FBXL12: variants seen among roughly 807,000 people sequenced by gnomAD.
FBXL12 encodes the protein F-box and leucine rich repeat protein 12.
A neutral mutation model predicts 24.9 loss-of-function variants in FBXL12; 22 were observed. The observed-to-expected ratio is 0.88, with a 90% CI of 0.63 to 1.26. The LOEUF is 1.26. Among genes scored for constraint, FBXL12 ranks in the 50% most tolerant of loss-of-function variants. FBXL12 has a pLI of 0.00. For synonymous variants in FBXL12, 193 were observed against 193.8 expected (o/e 1.00, Z 0.03); for missense variants, 384 against 434.1 (o/e 0.88, Z 1.03).
intron 2 of FBXL12, among the ~76,000 whole-genome samples, chr19:9,816,313 C>G (rs1295263441): frequency 6.6e-6 from 1 of 152,158 alleles, no homozygotes; most frequent in African/African-American, 2.4e-5. Flanking sequence ...TTTTTCTTTT[C>G]TATCACATAG....
chr19:9,814,113 GAA>G, intron 2 of FBXL12: 2 of 164,642 alleles, frequency 1.2e-5, no homozygotes, highest in Non-Finnish European at 2.6e-5. Context: ...AGACTGGGAA[GAA>G]AAAGAGGTTT....
chr19:9,818,718 G>C lies in FBXL12; in HGVS notation c.86+10C>G. 1 of 1,544,680 alleles carries C rather than the reference G, an allele frequency of 6.5e-7. No individual in the cohort carries two copies. The highest frequency in any genetic ancestry group is 1.2e-5 in the South Asian group (1 of 84,082). On this transcript the variant is annotated intron_variant, in intron 1 of 2. Transcript: ENST00000247977. ...CCGCCCTGCCCTTCCCCCCGGAGGC[G>C]GGGCCGCACCTGGAGATGCGGATCC...
At chr19:9,813,117 A>G (rs2045796661) in intron 2 of FBXL12, 1 of 622,166 alleles carries the variant, frequency 1.6e-6, no homozygotes, top group Admixed American at 4.5e-5. Context: ...AGCTGCAAAA[A>G]TCAACCCTGG....
chr19:9,818,135 T>C (rs1352574092), intron 2 of FBXL12: 4 of 400,282 alleles, frequency 1.0e-5, no homozygotes, highest in African/African-American at 6.2e-5. Flanking sequence ...TCGCTTGAGC[T>C]TGGGAGGTCG....
rs1383301185 is a variant in FBXL12 at position 9,811,413 on chromosome 19, C to T, written c.464G>A (p.Cys155Tyr). ...GGCGGGGACGCGGTCCAGCACGATG[C>T]ATTCAAGCAGGGGCAGCACGGTGGG... ...QDPTVLPLLE[C>Y]IVLDRVPAFR... The change falls in exon 3 of 3, where the codon TGC becomes TAC. Residue 155 changes from cysteine (C) to tyrosine (Y), a missense_variant. By Grantham distance (194) the Cys-to-Tyr change is radical. Coordinates refer to ENST00000247977, the MANE Select transcript of FBXL12 (RefSeq NM_017703.3). The surrounding 1 kb of genome is among the most constrained non-coding windows in gnomAD (Gnocchi z 6.0). The T allele has an allele frequency of 6.2e-7, 1 of 1,613,316 alleles. No homozygotes were observed. The highest frequency in any genetic ancestry group is 8.5e-7 in the Non-Finnish European group (1 of 1,179,994).
At chr19:9,817,399 T>C (rs1216438467) in intron 2 of FBXL12, among the ~76,000 whole-genome samples, 1 of 152,154 alleles carries the variant, frequency 6.6e-6, no homozygotes, top group Non-Finnish European at 1.5e-5. Flanking sequence ...TCAGCAGAAA[T>C]TGACTAGAAA....
In FBXL12 at chr19:9,818,931, C is replaced by T; in HGVS notation, c.-118G>A. ...TCCCGTAGCCGGTCGAGAAATTTGACCTTCCTCTCGCTGGGAAGTGATTCG... is the reference window on the plus strand; with the variant it reads ...TCCCGTAGCCGGTCGAGAAATTTGATCTTCCTCTCGCTGGGAAGTGATTCG... On this transcript the variant is annotated 5_prime_UTR_variant, in exon 1 of 3. Transcript: ENST00000247977. The T allele has an allele frequency of 3.1e-6, 3 of 955,462 alleles. No homozygotes were observed. The highest frequency in any genetic ancestry group is 3.2e-5 in the South Asian group (2 of 61,878). 59.2% of individuals were successfully genotyped at this position (955,462 alleles called of 1,614,324 possible).
rs376394175 is a variant in FBXL12 at position 9,818,737 on chromosome 19, C to T, written c.77G>A (p.Arg26His). The change falls in exon 1 of 3, where the codon CGC (arginine) becomes CAC (histidine). Residue 26 changes from arginine (R) to histidine (H), a missense_variant. Transcript: ENST00000247977. ...GGAGGCGGGGCCGCACCTGGAGATG[C>T]GGATCCGGTCCCGTACCGGGAGGTA... ...FSYLPVRDRI[R>H]ISRVCHRWKR... 6.5e-7 allele frequency: 1 copy of T among 1,546,936 alleles called. No homozygotes were observed. Among genetic ancestry groups the T allele is most frequent in the Non-Finnish European group, 8.8e-7 (1 of 1,142,670 alleles).
rs371835584 is a variant in FBXL12, at chr19:9,811,378, C to T, written c.499G>A (p.Glu167Lys). The T allele has an allele frequency of 1.9e-6, 3 of 1,612,330 alleles. No homozygotes were observed. Among genetic ancestry groups the T allele is most frequent in the Admixed American group, 3.3e-5 (2 of 59,982 alleles). ...AAGCGCGTCAGGCCCTGCAGGTGCT[C>T]GTCACGGAAGGCGGGGACGCGGTCC... ...VLDRVPAFRD[E>K]HLQGLTRFRA... Residue 167 changes from glutamate to lysine, a missense_variant, in exon 3 of 3, where the codon GAG becomes AAG. Transcript: ENST00000247977. This position sits in a 1 kb window ranked among gnomAD's most constrained non-coding sequence, Gnocchi z 6.0.
At chr19:9,813,238 T>C (rs980002533) in intron 2 of FBXL12, 11 of 1,231,068 alleles carry the variant, frequency 8.9e-6, no homozygotes, top group Non-Finnish European at 1.0e-5. Flanking sequence ...TACATCTGCC[T>C]TTTATTGCTG....
intron 2 of FBXL12, among the ~76,000 whole-genome samples, chr19:9,812,077 G>A (rs140605400): frequency 6.6e-6 from 1 of 152,068 alleles, no homozygotes; most frequent in East Asian, 1.9e-4. Flanking sequence ...TGGGACTTCT[G>A]ACACATGCCC....
Position 9,810,667 on chromosome 19 carries a change from T to G in FBXL12, c.*229A>C. On this transcript the variant is annotated 3_prime_UTR_variant, in exon 3 of 3. Transcript: ENST00000247977. ...AACCGTGAGGTAGCTATGATCATCC[T>G]TATTTCCAGATGTGGGAACTAGGCT... 4.5e-6 allele frequency: 2 copies of G among 444,940 alleles called. No homozygotes were observed. 27.6% of individuals were successfully genotyped at this position (444,940 alleles called of 1,614,324 possible). A position where few individuals can be genotyped will look rare whatever the true frequency, so the allele number is the denominator to read the frequency against.
chr19:9,813,236 C>T, intron 2 of FBXL12: 1 of 1,231,190 alleles, frequency 8.1e-7, no homozygotes, highest in Non-Finnish European at 1.0e-6. Context: ...CTTACATCTG[C>T]CTTTTATTGC....
chr19:9,818,919 C>G lies in FBXL12; in HGVS notation c.-106G>C, dbSNP rs2045944518. ...CGGCCGCGACCTTCCCGTAGCCGGT[C>G]GAGAAATTTGACCTTCCTCTCGCTG... On this transcript the variant is annotated 5_prime_UTR_variant, in exon 1 of 3. Transcript: ENST00000247977. 2 of 1,092,134 alleles carry G rather than the reference C, an allele frequency of 1.8e-6. No homozygotes were observed. The highest frequency in any genetic ancestry group is 2.6e-5 in the East Asian group (1 of 37,812). 67.7% of individuals were successfully genotyped at this position (1,092,134 alleles called of 1,614,324 possible). A position where few individuals can be genotyped will look rare whatever the true frequency, so the allele number is the denominator to read the frequency against.
At chr19:9,818,100 T>A in intron 2 of FBXL12, 1 of 387,730 alleles carries the variant, frequency 2.6e-6, no homozygotes, top group South Asian at 1.3e-4. Context: ...TGGTTCCAGC[T>A]ACTCAGGAGG....
At chr19:9,815,561 A>T (rs1454929084) in intron 2 of FBXL12, among the ~76,000 whole-genome samples, 2 of 151,952 alleles carry the variant, frequency 1.3e-5, no homozygotes, top group Non-Finnish European at 2.9e-5. Context: ...GAGGTTCTCC[A>T]TGAGGGCCCC....
intron 2 of FBXL12, chr19:9,813,304 C>T (rs988629646): frequency 8.4e-7 from 1 of 1,191,440 alleles, no homozygotes; most frequent in Non-Finnish European, 1.1e-6. Flanking sequence ...TGTCTAATAA[C>T]ATATTCTTTA....
chr19:9,813,382 G>T, intron 2 of FBXL12: 1 of 648,600 alleles, frequency 1.5e-6, no homozygotes, highest in Non-Finnish European at 2.2e-6. Flanking sequence ...TGTTGCCCAG[G>T]CTGGAGTGCA....
In FBXL12 at chr19:9,811,186, G is replaced by A. The variant is rs975246007; in HGVS notation, c.691C>T (p.Arg231Cys). ...CCCCTCACGGTCAGCCGGATCTTGC[G>A]CACATCTCGGAGGTGGCGGCTGATG... The part of the protein sequence containing the change: ...LAISRHLRDV[R>C]KIRLTVRGLS... The change falls in exon 3 of 3, where the codon CGC becomes TGC. Residue 231 changes from arginine to cysteine, a missense_variant. Arg to Cys is a radical substitution (Grantham distance 180, BLOSUM62 -3). Transcript: ENST00000247977. This position sits in a 1 kb window ranked among gnomAD's most constrained non-coding sequence, Gnocchi z 6.0. 7.4e-6 allele frequency: 12 copies of A among 1,611,716 alleles called. No individual in the cohort carries two copies. Among genetic ancestry groups the A allele is most frequent in the Middle Eastern group, 1.6e-4 (1 of 6,078 alleles).
Sources: allele counts gnomAD v4.1 joint callset (sites outside exome capture counted in the v4.1 genomes callset), GRCh38; gene constraint gnomAD v4.1.1; non-coding constraint Gnocchi (gnomAD v3.1); transcripts MANE v1.5; gene names NCBI Gene and HGNC (gene_info 2026-07-23, HGNC 2026-07-21).